The following RELL1 variants were observed in gnomAD, a reference collection of about 807,000 sequenced individuals.
RELL1 encodes the protein RELT like 1.
A neutral mutation model predicts 23.0 loss-of-function variants in RELL1; 10 were observed. The ratio of observed to expected loss-of-function variants is 0.43; its 90% CI spans 0.27 to 0.74. The LOEUF (loss-of-function observed/expected upper bound fraction) is 0.74, where lower values mean the gene tolerates loss of function less well. Among genes scored for constraint, RELL1 ranks in the 30% least tolerant of loss-of-function variants. The pLI is 0.19. For synonymous variants in RELL1, 146 were observed against 146.8 expected (o/e 0.99, Z 0.04); for missense variants, 315 against 364.4 (o/e 0.86, Z 1.10).
At chr4:37,681,239 T>C (rs1459297671) in intron 1 of RELL1, among the ~76,000 whole-genome samples, 2 of 152,328 alleles carry the variant, frequency 1.3e-5, no homozygotes, top group South Asian at 4.1e-4. Context: ...ATAAAAACTG[T>C]TTAATATATG....
chr4:37,630,665 G>A (rs371163606), intron 6 of RELL1, among the ~76,000 whole-genome samples: 8 of 151,860 alleles, frequency 5.3e-5, no homozygotes, highest in Non-Finnish European at 8.8e-5. Context: ...GTGAGCCACC[G>A]TGCCCAGCTG....
At chr4:37,643,254 A>G (rs1015848917) in intron 3 of RELL1, among the ~76,000 whole-genome samples, 4 of 151,812 alleles carry the variant, frequency 2.6e-5, no homozygotes, top group Non-Finnish European at 5.9e-5. Flanking sequence ...TTGTGTGAGG[A>G]TGGAGACAAC....
chr4:37,620,994 C>G (rs1373638789), intron 6 of RELL1, among the ~76,000 whole-genome samples: 1 of 152,154 alleles, frequency 6.6e-6, no homozygotes, highest in Non-Finnish European at 1.5e-5. Context: ...TTGCCCAAAG[C>G]TAGATAGCTA....
intron 1 of RELL1, among the ~76,000 whole-genome samples, chr4:37,683,039 A>G (rs550947843): frequency 6.6e-5 from 10 of 152,312 alleles, no homozygotes; most frequent in Admixed American, 6.5e-4. Context: ...GACAAGTTTA[A>G]TGAGATTCTT....
At chr4:37,671,882 A>G (rs537847772) in intron 1 of RELL1, among the ~76,000 whole-genome samples, 11 of 152,098 alleles carry the variant, frequency 7.2e-5, no homozygotes, top group African/African-American at 2.7e-4. Flanking sequence ...TTGGGCAACA[A>G]TGACTCACAG....
At chr4:37,592,716 G>A (rs1381424418) in intron 6 of RELL1, among the ~76,000 whole-genome samples, 2 of 152,208 alleles carry the variant, frequency 1.3e-5, no homozygotes, top group Admixed American at 1.3e-4. Context: ...GACAAGTTAT[G>A]TATCCCTTTA....
At chr4:37,669,175 G>C (rs1388878626) in intron 1 of RELL1, among the ~76,000 whole-genome samples, 1 of 19,022 alleles carries the variant, frequency 5.3e-5, no homozygotes. Flanking sequence ...CCGTCCGGGA[G>C]GGAGGTGGGG....
chr4:37,645,104 C>T (rs888243725), intron 3 of RELL1, among the ~76,000 whole-genome samples: 3 of 152,204 alleles, frequency 2.0e-5, no homozygotes, highest in East Asian at 1.9e-4. Flanking sequence ...GACGTCGATA[C>T]GTGAGAACTT....
At chr4:37,653,728 T>C (rs908006740) in intron 1 of RELL1, among the ~76,000 whole-genome samples, 8 of 152,198 alleles carry the variant, frequency 5.3e-5, no homozygotes, top group Admixed American at 3.3e-4. Context: ...TGATGCATTA[T>C]CACTTTCCAG....
At chr4:37,591,511 A>G (rs1560316520) in intron 6 of RELL1, 2 of 152,784 alleles carry the variant, frequency 1.3e-5, no homozygotes, top group African/African-American at 4.8e-5. Context: ...TTCAGGGACA[A>G]TCACCCAGGG....
At chr4:37,593,677 A>T (rs1434409718) in intron 6 of RELL1, among the ~76,000 whole-genome samples, 1 of 152,174 alleles carries the variant, frequency 6.6e-6, no homozygotes, top group Non-Finnish European at 1.5e-5. Context: ...TGCAGTTACT[A>T]AGAAGGGGAA....
rs557245478 is a variant in RELL1 at position 37,595,662 on chromosome 4, A to G, written c.*4-4445T>C. ...TGAGAGTTTAGGAATTGTATTTATTATTCAGGCCCTTCACTCTCAGACTAC... is the reference window on the plus strand; with the variant it reads ...TGAGAGTTTAGGAATTGTATTTATTGTTCAGGCCCTTCACTCTCAGACTAC... On this transcript the variant is annotated intron_variant, in intron 6 of 6. Coordinates refer to the RELL1 transcript ENST00000314117. 2.0e-5 allele frequency among the ~76,000 whole-genome samples: 3 copies of G among 152,158 alleles called. No individual in the cohort carries two copies. The South Asian group carries it at 6.2e-4, about 32-fold the overall frequency.
At chr4:37,648,942 TC>T (rs1411959228) in intron 2 of RELL1, among the ~76,000 whole-genome samples, 1 of 152,252 alleles carries the variant, frequency 6.6e-6, no homozygotes, top group African/African-American at 2.4e-5. Context: ...AGGATTATTT[TC>T]CTCATTGAAA....
chr4:37,639,375 C>T (rs944976924), intron 3 of RELL1, among the ~76,000 whole-genome samples: 18 of 110,520 alleles, frequency 1.6e-4, no homozygotes, highest in Non-Finnish European at 2.8e-4. Context: ...TGAAGCGAGA[C>T]TCTGTCTCAA....
chr4:37,607,766 T>C (rs1246695834), downstream of RELL1, among the ~76,000 whole-genome samples: 2 of 151,840 alleles, frequency 1.3e-5, no homozygotes, highest in African/African-American at 4.8e-5. Context: ...TTTTTTTGTA[T>C]GTTAGTAAAG....
chr4:37,650,179 G>A (rs138195279), intron 1 of RELL1, among the ~76,000 whole-genome samples: 4 of 152,336 alleles, frequency 2.6e-5, no homozygotes, highest in African/African-American at 9.6e-5. Flanking sequence ...TCATCACACT[G>A]AGCAAAACAG....
rs567917685 is a variant in RELL1 at position 37,668,814 on chromosome 4, C to A, written c.88+17386G>T. On this transcript the variant is annotated intron_variant, in intron 1 of 6. Coordinates refer to ENST00000454158, the MANE Select transcript of RELL1 (RefSeq NM_001085400.2). ...GCCACCCCATCTAGGAAGTGAGGAG[C>A]GTCTCTCCCCGGCCGCCCATCGTCT... Among the ~76,000 whole-genome samples the A allele has an allele frequency of 1.6e-4, 23 of 145,710 alleles. No homozygotes were observed. In the East Asian group the frequency reaches 3.3e-3, roughly 21 times the overall value.
chr4:37,609,678 T>C (rs879269179), downstream of RELL1, among the ~76,000 whole-genome samples: 1 of 152,154 alleles, frequency 6.6e-6, no homozygotes, highest in Non-Finnish European at 1.5e-5. Context: ...TGGAAGTTGA[T>C]TCCAACCCTC....
intron 1 of RELL1, among the ~76,000 whole-genome samples, chr4:37,668,368 G>A (rs909509744): frequency 1.3e-5 from 2 of 152,182 alleles, no homozygotes; most frequent in African/African-American, 4.8e-5. Context: ...GGCCCGCGCC[G>A]CCACGCCTGA....
Sources: allele counts gnomAD v4.1 joint callset (sites outside exome capture counted in the v4.1 genomes callset), GRCh38; gene constraint gnomAD v4.1.1; transcripts MANE v1.5; gene names NCBI Gene and HGNC (gene_info 2026-07-23, HGNC 2026-07-21).